Variants in SETX observed in about 807,000 individuals in gnomAD.
The protein encoded by SETX is helicase senataxin.
Under a neutral mutation model 227.2 loss-of-function variants are expected in SETX, and 90 were observed. The observed-to-expected ratio is 0.40, with a 90% CI of 0.33 to 0.47. The LOEUF (loss-of-function observed/expected upper bound fraction) is 0.47. Ranked by LOEUF, SETX falls within the 20% of genes least tolerant of loss-of-function variation. The pLI is 0.91. For synonymous variants in SETX, 1,210 were observed against 1,113.2 expected, an observed-to-expected ratio of 1.09 and a Z score of -1.73; for missense variants, 3,052 against 3,181.5, an observed-to-expected ratio of 0.96 and a Z score of 0.98.
intron 15 of SETX, among the ~76,000 whole-genome samples, chr9:132,294,455 A>G (rs1012615101): frequency 5.9e-5 from 9 of 152,250 alleles, no homozygotes; most frequent in Non-Finnish European, 1.2e-4. Flanking sequence ...CACAAAATCA[A>G]TCTCACAAAT....
At chr9:132,323,651 T>G (rs892651559) in intron 10 of SETX, among the ~76,000 whole-genome samples, 1 of 152,136 alleles carries the variant, frequency 6.6e-6, no homozygotes, top group Non-Finnish European at 1.5e-5. Flanking sequence ...CCTGTAATCG[T>G]AGCACTTTGA....
At position 132,314,594 on chromosome 9, in the gene SETX, C is replaced by A. The variant is rs189564140; in HGVS notation, c.5275-2738G>T. ...ATAAAGCACTATCACTTCAAAGAAG[C>A]AAACTATGTTCCTTTTCTTCCCACT... On this transcript the variant is annotated intron_variant, in intron 10 of 25. Transcript: ENST00000224140. Among the ~76,000 whole-genome samples, 633 of 152,248 alleles carry A rather than the reference C, an allele frequency of 4.2e-3. 3 individuals carry two copies. The highest frequency in any genetic ancestry group is 0.015 in the African/African-American group (612 of 41,538).
rs572266987 is a variant in SETX, at chr9:132,326,209, G to A, written c.5274+115C>T. On this transcript the variant is annotated intron_variant, in intron 10 of 25. Coordinates refer to ENST00000224140, the MANE Select transcript of SETX (RefSeq NM_015046.7). ...AGCCTCCCGAGTAGCTGGGATTACAGGTGCCCGCAACCACGCCTGGCTGAT... is the reference window on the plus strand; with the variant it reads ...AGCCTCCCGAGTAGCTGGGATTACAAGTGCCCGCAACCACGCCTGGCTGAT... The A allele has an allele frequency of 2.5e-5, 20 of 801,314 alleles. No homozygotes were observed. The African/African-American group carries it at 2.9e-4, about 12-fold the overall frequency. 49.6% of individuals were successfully genotyped at this position (801,314 alleles called of 1,614,324 possible). A position where few individuals can be genotyped will look rare whatever the true frequency, so the allele number is the denominator to read the frequency against.
chr9:132,307,813 G>A (rs1293464492), intron 11 of SETX, among the ~76,000 whole-genome samples: 1 of 151,976 alleles, frequency 6.6e-6, no homozygotes. Flanking sequence ...CTAGTAGCTG[G>A]GACTACAGGT....
intron 7 of SETX, among the ~76,000 whole-genome samples, chr9:132,332,078 T>A (rs959831163): frequency 6.6e-6 from 1 of 152,174 alleles, no homozygotes; most frequent in Non-Finnish European, 1.5e-5. Context: ...TGCTTCTCTA[T>A]CAAATATGCA....
intron 11 of SETX, among the ~76,000 whole-genome samples, chr9:132,310,821 T>C (rs1299738411): frequency 5.3e-5 from 8 of 152,234 alleles, no homozygotes; most frequent in Admixed American, 5.2e-4. Flanking sequence ...AGTGTGACGA[T>C]GATAAAGATG....
In SETX at chr9:132,326,384, G is replaced by C; in HGVS notation, c.5214C>G (p.His1738Gln). ...SISRPVPVRFHNYGDYFNVFF... is the reference protein window; with the variant it reads ...SISRPVPVRFQNYGDYFNVFF... The stretch of plus-strand genomic sequence containing the variant: ...AAACATTAAAATAATCTCCATAATT[G>C]TGAAATCTGACAGGCACAGGTCTTG... Residue 1738 changes from histidine (H) to glutamine (Q), a missense_variant, in exon 10 of 26, where the codon CAC (histidine) becomes CAG (glutamine). By Grantham distance (24) the His-to-Gln change is conservative (BLOSUM62 0). Around this residue, in one of 10 missense-constraint regions of SETX, gnomAD observed 239 missense variants for 272.1 expected, o/e 0.88. Transcript: ENST00000224140. 1 of 1,613,974 alleles carries C rather than the reference G, an allele frequency of 6.2e-7. No individual in the cohort carries two copies. The highest frequency in any genetic ancestry group is 8.5e-7 in the Non-Finnish European group (1 of 1,179,882).
In SETX at chr9:132,336,446, G is replaced by T. The variant is rs753191889; in HGVS notation, c.568C>A (p.Gln190Lys). ...TTAAAAAGGCAAAGTAAAACTTCTT[G>T]TAAGTCATAATAATCATCTCTGTCC... ...KVDRDDYYDL[Q>K]EVLLCLFKVI... is the part of the protein sequence containing the mutation. Residue 190 changes from glutamine (Q) to lysine (K), a missense_variant, in exon 6 of 26, where the codon CAA becomes AAA. Transcript: ENST00000224140. 1.9e-6 allele frequency: 3 copies of T among 1,614,062 alleles called. No individual in the cohort carries two copies. Among genetic ancestry groups the T allele is most frequent in the Non-Finnish European group, 2.5e-6 (3 of 1,179,952 alleles).
In SETX at chr9:132,302,969, A is replaced by AT. The variant is rs573983370; in HGVS notation, c.5375-2167dup. Among the ~76,000 whole-genome samples, 28 of 152,036 alleles carry AT rather than the reference A, an allele frequency of 1.8e-4. No homozygotes were observed. In the East Asian group the frequency reaches 4.2e-3, roughly 23 times the overall value. ...AAGGTTATTCAATGAGAAAGGCTAC[A>AT]TTTTTTTTAACAAGTAACACTAAAA... On this transcript the variant is annotated intron_variant, in intron 11 of 25. Transcript: ENST00000224140.
chr9:132,322,493 C>T (rs1846425630), intron 10 of SETX, among the ~76,000 whole-genome samples: 1 of 152,170 alleles, frequency 6.6e-6, no homozygotes, highest in African/African-American at 2.4e-5. Flanking sequence ...GACCTTCTGT[C>T]CCTGACTTAT....
intron 3 of SETX, 45 bp from the exon 4 acceptor site, chr9:132,346,516 A>C (rs1348395776): frequency 7.5e-7 from 1 of 1,337,948 alleles, no homozygotes; most frequent in African/African-American, 1.4e-5. Flanking sequence ...TCTTATCATC[A>C]ACAAAATACA....
chr9:132,356,640 C>T (rs1848927288), upstream of SETX, among the ~76,000 whole-genome samples: 1 of 152,128 alleles, frequency 6.6e-6, no homozygotes, highest in Non-Finnish European at 1.5e-5. Context: ...GATGGGCCAG[C>T]TTGGGAAAAG....
intron 10 of SETX, among the ~76,000 whole-genome samples, chr9:132,314,155 C>T (rs1196315366): frequency 1.3e-5 from 2 of 152,022 alleles, no homozygotes; most frequent in African/African-American, 2.4e-5. Context: ...TGCAATGGTG[C>T]GATCTCGGCT....
intron 15 of SETX, among the ~76,000 whole-genome samples, chr9:132,293,243 A>G (rs1844448700): frequency 6.6e-6 from 1 of 152,190 alleles, no homozygotes; most frequent in Non-Finnish European, 1.5e-5. Context: ...AACACTAATG[A>G]GAAAGCAACT....
intron 10 of SETX, among the ~76,000 whole-genome samples, chr9:132,325,273 C>G (rs1186648295): frequency 6.6e-6 from 1 of 151,802 alleles, no homozygotes; most frequent in African/African-American, 2.4e-5. Context: ...GGAGAACAGC[C>G]TGAACCCGGG....
In SETX at chr9:132,329,315, C is replaced by T. The variant is rs370328795; in HGVS notation, c.2283G>A (p.Ser761=). 35 of 1,613,626 alleles carry T rather than the reference C, an allele frequency of 2.2e-5. No individual in the cohort carries two copies. The East Asian group carries it at 4.0e-4, about 18-fold the overall frequency. Residue 761 remains serine, a synonymous_variant, in exon 10 of 26, where the codon TCG becomes TCA. Coordinates refer to ENST00000224140, the MANE Select transcript of SETX (RefSeq NM_015046.7). ...STDALEKVST[S]NEDFSLKDDA... The stretch of plus-strand genomic sequence containing the variant: ...CATCCTTTAAAGAGAAATCTTCATT[C>T]GATGTGGACACTTTTTCCAAAGCAT...
intron 12 of SETX, among the ~76,000 whole-genome samples, chr9:132,299,711 C>G (rs1844874815): frequency 1.3e-5 from 2 of 152,184 alleles, no homozygotes. Context: ...GGCTTCAATT[C>G]TGGACTTACC....
chr9:132,273,097 C>CA (rs1356251890), intron 23 of SETX, among the ~76,000 whole-genome samples: 1 of 150,690 alleles, frequency 6.6e-6, no homozygotes, highest in East Asian at 1.9e-4. Flanking sequence ...ACAAAAAATG[C>CA]AAAAAACAAC....
chr9:132,326,133 C>A (rs1846735515), intron 10 of SETX, among the ~76,000 whole-genome samples, 191 bp downstream of exon 10: 1 of 151,534 alleles, frequency 6.6e-6, no homozygotes, highest in Admixed American at 6.6e-5. Context: ...AGTGGCGCGA[C>A]CTCGGCTCAC....
Sources: allele counts gnomAD v4.1 joint callset (sites outside exome capture counted in the v4.1 genomes callset), GRCh38; gene constraint gnomAD v4.1.1; regional missense constraint gnomAD v4.1.1; transcripts MANE v1.5; gene names NCBI Gene and HGNC (gene_info 2026-07-23, HGNC 2026-07-21).